The following CFAP92 variants were observed in gnomAD, a reference collection of about 807,000 sequenced individuals.
CFAP92 encodes the protein cilia and flagella associated protein 92 (putative).
In CFAP92, 86 loss-of-function variants were observed where a neutral mutation model predicts 106.3. The observed-to-expected ratio is 0.81, with a 90% CI of 0.68 to 0.97. CFAP92 has a LOEUF of 0.97. Ranked by LOEUF, CFAP92 falls within the 50% of genes least tolerant of loss-of-function variation. The pLI is 0.00. For missense variants in CFAP92, 1,204 were observed against 1,283.8 expected (o/e 0.94, Z 0.95); for synonymous variants, 477 against 506.4 (o/e 0.94, Z 0.78).
At chr3:128,963,980 A>G (rs544038634) in intron 9 of CFAP92, among the ~76,000 whole-genome samples, 164 of 152,336 alleles carry the variant, frequency 1.1e-3, no homozygotes, top group African/African-American at 3.7e-3. Context: ...CTTTCACTGA[A>G]TAAGTAAAGG....
At chr3:128,984,539 GC>G (rs1192629963) in intron 4 of CFAP92, among the ~76,000 whole-genome samples, 1 of 152,124 alleles carries the variant, frequency 6.6e-6, no homozygotes, top group Non-Finnish European at 1.5e-5. Flanking sequence ...GGGCTCTCAG[GC>G]CTTCGGTCAC....
intron 1 of CFAP92, chr3:129,001,485 C>G (rs1396223865): frequency 2.0e-5 from 25 of 1,253,760 alleles, no homozygotes; most frequent in Non-Finnish European, 2.4e-5. Context: ...GCCAGCGCAG[C>G]TGCTGGACAC....
the CFAP92 span, among the ~76,000 whole-genome samples, chr3:129,009,293 C>T: frequency 6.6e-6 from 1 of 152,180 alleles, no homozygotes; most frequent in South Asian, 2.1e-4. Flanking sequence ...AAAGTGTAGG[C>T]ATGTCCAGCT....
Position 128,975,916 on chromosome 3 carries a change from C to A in CFAP92, c.897-13G>T. ...TGAAACACTCCATCTAGAAAATTCA[C>A]AAAGAGAAAAATTAATGAAGGTGAA... On this transcript the variant is annotated splice_polypyrimidine_tract_variant and intron_variant, in intron 6 of 15. Transcript: ENST00000645291. 6.3e-7 allele frequency: 1 copy of A among 1,590,692 alleles called. No individual in the cohort carries two copies.
chr3:128,952,251 C>T (rs1262791340), intron 9 of CFAP92, among the ~76,000 whole-genome samples: 1 of 151,470 alleles, frequency 6.6e-6, no homozygotes, highest in Non-Finnish European at 1.5e-5. Flanking sequence ...CCACCCCGGC[C>T]TCTTGAATAG....
chr3:128,986,680 T>A (rs1364099951), intron 4 of CFAP92, among the ~76,000 whole-genome samples: 2 of 152,196 alleles, frequency 1.3e-5, no homozygotes, highest in East Asian at 3.8e-4. Context: ...TCAACCTGCC[T>A]CCAGTATTCC....
chr3:128,998,808 G>A (rs1236504455), upstream of CFAP92, among the ~76,000 whole-genome samples: 1 of 152,148 alleles, frequency 6.6e-6, no homozygotes, highest in African/African-American at 2.4e-5. Context: ...TCCCAATGGC[G>A]CCCTTTCCAC....
chr3:128,915,655 A>G (rs1232522085), intron 13 of CFAP92, 92 bp from the exon 14 acceptor site: 2 of 812,636 alleles, frequency 2.5e-6, no homozygotes, highest in South Asian at 1.8e-5. Context: ...TGGGGGCATA[A>G]TCATAGTTCC....
intron 3 of CFAP92, 136 bp from the exon 4 acceptor site, chr3:128,987,965 T>C: frequency 5.9e-6 from 4 of 681,160 alleles, no homozygotes; most frequent in Non-Finnish European, 9.8e-6. Flanking sequence ...CTCTCCAGGC[T>C]CTGAGCTCAG....
intron 9 of CFAP92, among the ~76,000 whole-genome samples, chr3:128,962,620 T>C (rs1010508308): frequency 6.6e-6 from 1 of 152,120 alleles, no homozygotes; most frequent in African/African-American, 2.4e-5. Flanking sequence ...TACTCCCTCC[T>C]TGGCAACTGA....
In CFAP92 at chr3:128,992,290, G is replaced by A. The variant is rs150512104; in HGVS notation, c.262+753C>T. Among the ~76,000 whole-genome samples, 111 of 152,228 alleles carry A rather than the reference G, an allele frequency of 7.3e-4. 1 individual carries two copies. In the East Asian group the frequency reaches 0.02, roughly 27 times the overall value. On this transcript the variant is annotated intron_variant, in intron 2 of 15. Coordinates refer to ENST00000645291, the MANE Select transcript of CFAP92 (RefSeq NM_001394090.1). ...GAAAATGTATTTTTTGGCCGGGTGC[G>A]GTGGCTCATGCCTGTAATCCCAGCA...
chr3:128,958,275 G>A (rs1249272652), intron 9 of CFAP92, among the ~76,000 whole-genome samples: 1 of 152,192 alleles, frequency 6.6e-6, no homozygotes, highest in Non-Finnish European at 1.5e-5. Flanking sequence ...CAAATTAGTG[G>A]TTAGGGATGG....
intron 9 of CFAP92, among the ~76,000 whole-genome samples, chr3:128,956,196 T>TAAATAAAAAAAAAAAA (rs1941372225): frequency 3.2e-5 from 2 of 61,712 alleles, no homozygotes; most frequent in African/African-American, 9.2e-5. Flanking sequence ...AAAAAAAAAA[T>TAAATAAAAAAAAAAAA]AAAAAAAAAA....
At chr3:128,981,073 G>A (rs1296978716) in intron 4 of CFAP92, among the ~76,000 whole-genome samples, 10 of 146,386 alleles carry the variant, frequency 6.8e-5, no homozygotes, top group Non-Finnish European at 1.3e-4. Flanking sequence ...GTCTCGCTCC[G>A]TCACCCAGGC....
At chr3:128,944,547 T>G (rs1024738097) in intron 10 of CFAP92, among the ~76,000 whole-genome samples, 1 of 151,976 alleles carries the variant, frequency 6.6e-6, no homozygotes, top group Admixed American at 6.6e-5. Flanking sequence ...TACTTGCAAA[T>G]TGTGAAAGGA....
chr3:128,944,279 G>A (rs1403923425), intron 10 of CFAP92, among the ~76,000 whole-genome samples: 2 of 151,844 alleles, frequency 1.3e-5, no homozygotes, highest in South Asian at 2.1e-4. Flanking sequence ...GTGAACATGT[G>A]TGTACAAGCT....
chr3:128,982,158 G>A (rs2107802569), intron 4 of CFAP92, among the ~76,000 whole-genome samples: 1 of 152,346 alleles, frequency 6.6e-6, no homozygotes, highest in South Asian at 2.1e-4. Context: ...GTAGAAGGCT[G>A]TCTCATCTAC....
intron 10 of CFAP92, among the ~76,000 whole-genome samples, chr3:128,939,622 C>T (rs1179604340): frequency 6.6e-6 from 1 of 152,118 alleles, no homozygotes; most frequent in East Asian, 1.9e-4. Flanking sequence ...CTCCCAACCC[C>T]CTGAATACCC....
chr3:128,944,129 T>A (rs1939966027), intron 10 of CFAP92, among the ~76,000 whole-genome samples: 1 of 151,198 alleles, frequency 6.6e-6, no homozygotes, highest in South Asian at 2.1e-4. Flanking sequence ...AAGGTATCAC[T>A]ATGTTGCCCA....
Sources: allele counts gnomAD v4.1 joint callset (sites outside exome capture counted in the v4.1 genomes callset), GRCh38; gene constraint gnomAD v4.1.1; transcripts MANE v1.5; gene names NCBI Gene and HGNC (gene_info 2026-07-23, HGNC 2026-07-21).